KCNIP4: variants seen among roughly 807,000 people sequenced by gnomAD.
KCNIP4 encodes the protein Kv channel-interacting protein 4.
KCNIP4 carries 12 observed loss-of-function variants against 34.0 expected under a neutral mutation model. That is an observed-to-expected ratio of 0.35 (90% confidence interval 0.23 to 0.57). The LOEUF (loss-of-function observed/expected upper bound fraction) is 0.57. KCNIP4 is among the 20% of genes least tolerant of loss of function. The pLI, the probability that KCNIP4 is intolerant of heterozygous loss-of-function variation, is 0.83. For missense variants in KCNIP4, 238 were observed against 311.7 expected (o/e 0.76, Z 1.78); for synonymous variants, 124 against 102.2 (o/e 1.21, Z -1.29).
intron 1 of KCNIP4, among the ~76,000 whole-genome samples, chr4:21,418,534 A>G (rs1033575692): frequency 6.6e-6 from 1 of 152,136 alleles, no homozygotes; most frequent in Non-Finnish European, 1.5e-5. Flanking sequence ...GGAACCCCAG[A>G]ATTATGAAAC....
intron 1 of KCNIP4, among the ~76,000 whole-genome samples, chr4:21,624,493 A>T (rs1745196026): frequency 6.6e-6 from 1 of 152,108 alleles, no homozygotes; most frequent in Non-Finnish European, 1.5e-5. Context: ...ATTCATATTG[A>T]TGTATTTATC....
At chr4:20,937,222 C>CTTTTTTTTTTTTTTTTTTTTTTT (rs397992488) in intron 1 of KCNIP4, among the ~76,000 whole-genome samples, 3 of 45,530 alleles carry the variant, frequency 6.6e-5, no homozygotes, top group Non-Finnish European at 1.3e-4. Flanking sequence ...CCCAAGGAGT[C>CTTTTTTTTTTTTTTTTTTTTTTT]TTTTTTTTTT....
chr4:21,582,727 G>T (rs1459774523), intron 1 of KCNIP4, among the ~76,000 whole-genome samples: 1 of 151,718 alleles, frequency 6.6e-6, no homozygotes, highest in African/African-American at 2.4e-5. Context: ...ACAAATCCAT[G>T]AATCCAACTT....
chr4:21,185,642 T>C (rs1755163090), intron 1 of KCNIP4, among the ~76,000 whole-genome samples: 1 of 152,212 alleles, frequency 6.6e-6, no homozygotes, highest in Non-Finnish European at 1.5e-5. Flanking sequence ...TGTGAAAGCA[T>C]GTATTTGAGT....
At chr4:21,803,785 T>C (rs989043332) in intron 1 of KCNIP4, among the ~76,000 whole-genome samples, 3 of 152,198 alleles carry the variant, frequency 2.0e-5, no homozygotes, top group Non-Finnish European at 2.9e-5. Flanking sequence ...ACTGATTTCA[T>C]TGGCAATTTT....
chr4:21,117,308 G>GGT (rs1749771743), intron 1 of KCNIP4, among the ~76,000 whole-genome samples: 1 of 64,238 alleles, frequency 1.6e-5, no homozygotes, highest in Non-Finnish European at 2.7e-5. Context: ...GCCGGGGGGG[G>GGT]GGGGGGGGGG....
chr4:21,574,841 GT>G (rs1226183955), intron 1 of KCNIP4, among the ~76,000 whole-genome samples: 4 of 152,092 alleles, frequency 2.6e-5, no homozygotes, highest in Non-Finnish European at 5.9e-5. Flanking sequence ...AACATTCCCA[GT>G]ATTTCTGTCT....
intron 1 of KCNIP4, among the ~76,000 whole-genome samples, chr4:21,108,255 G>C (rs1252585336): frequency 6.9e-6 from 1 of 144,990 alleles, no homozygotes; most frequent in African/African-American, 2.7e-5. Flanking sequence ...ACGTAGATTT[G>C]GTCTTTTCAC....
intron 1 of KCNIP4, among the ~76,000 whole-genome samples, chr4:21,606,909 G>A (rs1368681028): frequency 2.0e-5 from 3 of 151,946 alleles, no homozygotes; most frequent in Non-Finnish European, 2.9e-5. Context: ...TTCTCAAATC[G>A]TATTACTCCA....
intron 1 of KCNIP4, among the ~76,000 whole-genome samples, chr4:20,947,275 C>G (rs1049662249): frequency 2.0e-5 from 3 of 152,052 alleles, no homozygotes; most frequent in African/African-American, 4.8e-5. Flanking sequence ...TTCAAGTGAT[C>G]CTCCCACCTC....
At chr4:21,904,283 G>T (rs1162857369) in intron 1 of KCNIP4, among the ~76,000 whole-genome samples, 2 of 152,106 alleles carry the variant, frequency 1.3e-5, no homozygotes, top group African/African-American at 2.4e-5. Flanking sequence ...TCAAATTCTT[G>T]TTCCTCCATT....
rs562087522 is a variant in KCNIP4, at chr4:21,437,088, A to G, written c.61+511483T>C. Among the ~76,000 whole-genome samples the G allele has an allele frequency of 2.6e-5, 4 of 152,286 alleles. No homozygotes were observed. In the East Asian group the frequency reaches 7.7e-4, roughly 29 times the overall value. On this transcript the variant is annotated intron_variant, in intron 1 of 8. Transcript: ENST00000382152. ...TTATTTATTTTGCCTCATCCCCTGGACATATTAGAATGCTCAGCAATGGAA... is the reference window on the plus strand; with the variant it reads ...TTATTTATTTTGCCTCATCCCCTGGGCATATTAGAATGCTCAGCAATGGAA...
intron 1 of KCNIP4, among the ~76,000 whole-genome samples, chr4:21,806,351 A>G (rs920746682): frequency 6.6e-6 from 1 of 152,186 alleles, no homozygotes; most frequent in Non-Finnish European, 1.5e-5. Context: ...GCCGTTTACA[A>G]TTCTGTATTT....
chr4:21,373,568 T>C (rs1301409908), intron 1 of KCNIP4, among the ~76,000 whole-genome samples: 1 of 147,166 alleles, frequency 6.8e-6, no homozygotes, highest in Non-Finnish European at 1.5e-5. Flanking sequence ...TGTTATTTGA[T>C]ATCAATAAGA....
intron 1 of KCNIP4, among the ~76,000 whole-genome samples, chr4:21,629,013 T>G (rs1745530046): frequency 6.6e-6 from 1 of 152,186 alleles, no homozygotes; most frequent in Admixed American, 6.5e-5. Flanking sequence ...TAACCTGAGA[T>G]AATAAAATTG....
chr4:21,772,079 T>G (rs939377300), intron 1 of KCNIP4, among the ~76,000 whole-genome samples: 13 of 152,200 alleles, frequency 8.5e-5, no homozygotes, highest in Non-Finnish European at 4.4e-5. Context: ...TAGCTCTTAT[T>G]ATTTTGAGAT....
intron 1 of KCNIP4, among the ~76,000 whole-genome samples, chr4:21,176,804 G>T (rs1009662294): frequency 6.6e-6 from 1 of 152,118 alleles, no homozygotes; most frequent in Admixed American, 6.5e-5. Flanking sequence ...TACAGGCATG[G>T]GCCACCATGC....
intron 1 of KCNIP4, among the ~76,000 whole-genome samples, chr4:21,713,439 G>A (rs1207993470): frequency 1.3e-5 from 2 of 152,078 alleles, no homozygotes; most frequent in East Asian, 3.9e-4. Flanking sequence ...AGGCAATATA[G>A]AAATATATCT....
At chr4:21,353,617 G>T (rs1252518592) in intron 1 of KCNIP4, among the ~76,000 whole-genome samples, 1 of 152,112 alleles carries the variant, frequency 6.6e-6, no homozygotes, top group Non-Finnish European at 1.5e-5. Context: ...AAAAAGAAAT[G>T]AACAAAGCCT....
Sources: gnomAD v4.1 joint callset for allele counts (sites outside exome capture counted in the v4.1 genomes callset) on GRCh38, gnomAD v4.1.1 for gene constraint, MANE v1.5 for transcripts, NCBI Gene and HGNC (gene_info 2026-07-23, HGNC 2026-07-21) for gene names.